TRAPPC8: variants seen among roughly 807,000 people sequenced by gnomAD.
TRAPPC8 encodes the protein trafficking protein particle complex subunit 8, also known as general sporulation gene 1 homolog.
A neutral mutation model predicts 174.3 loss-of-function variants in TRAPPC8; 54 were observed. That is an observed-to-expected ratio of 0.31 (90% CI 0.25 to 0.39). The LOEUF is 0.39. Among genes scored for constraint, TRAPPC8 ranks in the 10% least tolerant of loss-of-function variants. The pLI is 1.00. For synonymous variants in TRAPPC8, 630 were observed against 579.9 expected, an observed-to-expected ratio of 1.09 and a Z score of -1.24; for missense variants, 1,531 against 1,699.1, an observed-to-expected ratio of 0.90 and a Z score of 1.74.
intron 21 of TRAPPC8, among the ~76,000 whole-genome samples, chr18:31,854,788 G>A (rs951476919): frequency 6.6e-6 from 1 of 151,806 alleles, no homozygotes; most frequent in Non-Finnish European, 1.5e-5. Context: ...CTAACATGGT[G>A]AAACCCTGTC....
intron 1 of TRAPPC8, among the ~76,000 whole-genome samples, chr18:31,937,039 C>T (rs896151996): frequency 9.2e-5 from 14 of 151,670 alleles, no homozygotes; most frequent in African/African-American, 2.4e-5. Context: ...GGTGAAATCC[C>T]GTCTCTACTA....
chr18:31,865,807 T>C (rs1433401245), intron 18 of TRAPPC8, among the ~76,000 whole-genome samples: 1 of 151,026 alleles, frequency 6.6e-6, no homozygotes, highest in African/African-American at 2.4e-5. Flanking sequence ...AAATTATAAA[T>C]AATTTAAATT....
intron 3 of TRAPPC8, 145 bp from the exon 4 acceptor site, chr18:31,916,591 G>C: frequency 1.3e-6 from 1 of 764,400 alleles, no homozygotes; most frequent in Non-Finnish European, 1.9e-6. Flanking sequence ...GGAGAGCAGT[G>C]GCGTGATCTC....
In TRAPPC8 at chr18:31,915,491, G is replaced by A. The variant is rs2037098687; in HGVS notation, c.617+781C>T. Among the ~76,000 whole-genome samples, 2 of 149,364 alleles carry A rather than the reference G, an allele frequency of 1.3e-5. 1 individual carries two copies. Among genetic ancestry groups the A allele is most frequent in the Non-Finnish European group, 3.0e-5 (2 of 67,552 alleles). On this transcript the variant is annotated intron_variant, in intron 4 of 28. Transcript: ENST00000283351. Reference sequence around the variant, plus strand: ...AAAAGGGGGGGGGGGCGCAGGCGCAGTGGCTCCCGCCTGTCATCCCAGCAC... The same window carrying A: ...AAAAGGGGGGGGGGGCGCAGGCGCAATGGCTCCCGCCTGTCATCCCAGCAC...
chr18:31,903,035 G>A (rs1478897651), intron 9 of TRAPPC8, among the ~76,000 whole-genome samples: 8 of 145,500 alleles, frequency 5.5e-5, no homozygotes, highest in Non-Finnish European at 1.2e-4. Flanking sequence ...GGGTGACAGC[G>A]AGACTCATCT....
intron 2 of TRAPPC8, among the ~76,000 whole-genome samples, chr18:31,921,797 G>A (rs1440647990): frequency 6.6e-6 from 1 of 151,984 alleles, no homozygotes; most frequent in Non-Finnish European, 1.5e-5. Context: ...TTGTATCTGG[G>A]TTCTACTCTT....
Position 31,846,580 on chromosome 18 carries a change from C to T in TRAPPC8, c.3837+136G>A, listed in dbSNP as rs545249370. On this transcript the variant is annotated intron_variant, in intron 26 of 28. Coordinates refer to ENST00000283351, the MANE Select transcript of TRAPPC8 (RefSeq NM_014939.5). The stretch of plus-strand genomic sequence containing the variant: ...GGCAGAGTGAGATCCAGTCTCAAAA[C>T]AACAACAAAAAAAACCAAAAAACAA... The T allele has an allele frequency of 3.4e-5, 24 of 698,102 alleles. No individual in the cohort carries two copies. In the South Asian group the frequency reaches 4.7e-4, roughly 14 times the overall value. 43.2% of individuals were successfully genotyped at this position (698,102 alleles called of 1,614,324 possible).
chr18:31,908,864 C>A lies in TRAPPC8; in HGVS notation c.1012G>T (p.Ala338Ser), dbSNP rs958967748. Residue 338 changes from alanine to serine, a missense_variant, in exon 7 of 29, where the codon GCA becomes TCA. Physicochemically the swap from Ala to Ser is moderately conservative, Grantham distance 99. Transcript: ENST00000283351. Reference sequence around the variant, plus strand: ...TCATGATCAGTAAGTGTTAAACATGCACCATGAATTATTCCAGTATTTCCT... The same window carrying A: ...TCATGATCAGTAAGTGTTAAACATGAACCATGAATTATTCCAGTATTTCCT... ...KKGNTGIIHG[A>S]CLTLTDHDRI... 1.2e-6 allele frequency: 2 copies of A among 1,613,794 alleles called. No homozygotes were observed. Among genetic ancestry groups the A allele is most frequent in the Middle Eastern group, 1.7e-4 (1 of 6,058 alleles).
chr18:31,879,750 T>G (rs78288019), intron 12 of TRAPPC8, among the ~76,000 whole-genome samples: 1 of 151,852 alleles, frequency 6.6e-6, no homozygotes, highest in South Asian at 2.1e-4. Flanking sequence ...GAAGAGATGA[T>G]TTTAATAAGC....
chr18:31,916,193 C>G (rs919776918), intron 4 of TRAPPC8, 79 bp downstream of exon 4: 11 of 1,086,824 alleles, frequency 1.0e-5, no homozygotes, highest in Non-Finnish European at 1.3e-5. Flanking sequence ...AAAATAAATC[C>G]AAAACGTAAA....
At chr18:31,874,188 A>G in intron 13 of TRAPPC8, 1 of 450,778 alleles carries the variant, frequency 2.2e-6, no homozygotes, top group South Asian at 3.8e-5. Flanking sequence ...AGTCTATAAA[A>G]GCATGATGAA....
chr18:31,875,521 C>G (rs1166698345), intron 12 of TRAPPC8, among the ~76,000 whole-genome samples: 1 of 152,094 alleles, frequency 6.6e-6, no homozygotes, highest in Non-Finnish European at 1.5e-5. Context: ...GACAGCAGCA[C>G]AGTAAACACT....
At chr18:31,939,280 A>C (rs1391116169) in intron 1 of TRAPPC8, 1 of 152,138 alleles carries the variant, frequency 6.6e-6, no homozygotes, top group Non-Finnish European at 1.5e-5. Flanking sequence ...TAAAACTTGT[A>C]TCTACTTATA....
At chr18:31,920,495 T>C (rs538205920) in intron 2 of TRAPPC8, among the ~76,000 whole-genome samples, 4 of 152,252 alleles carry the variant, frequency 2.6e-5, no homozygotes, top group East Asian at 1.9e-4. Context: ...CTGCTTCATG[T>C]TCATTCTTAT....
intron 15 of TRAPPC8, 103 bp from the exon 16 acceptor site, chr18:31,870,605 G>T: frequency 7.9e-7 from 1 of 1,263,528 alleles, no homozygotes; most frequent in South Asian, 1.5e-5. Flanking sequence ...CTGCATTTCT[G>T]CCTAGACTGT....
intron 26 of TRAPPC8, 26 bp from the exon 27 acceptor site, chr18:31,839,483 G>A: frequency 5.2e-6 from 8 of 1,539,872 alleles, no homozygotes; most frequent in Middle Eastern, 3.5e-4. Context: ...AAAAACATAT[G>A]ACAATAAAAA....
chr18:31,840,965 T>C (rs1015775078), intron 26 of TRAPPC8, among the ~76,000 whole-genome samples: 2 of 151,486 alleles, frequency 1.3e-5, no homozygotes, highest in Non-Finnish European at 2.9e-5. Context: ...GATTATAGCC[T>C]AATCAGTGGT....
chr18:31,881,033 A>G (rs1211129475), intron 12 of TRAPPC8, among the ~76,000 whole-genome samples: 1 of 152,124 alleles, frequency 6.6e-6, no homozygotes, highest in African/African-American at 2.4e-5. Flanking sequence ...CTCACAGATA[A>G]GGAAAAATCA....
intron 19 of TRAPPC8, among the ~76,000 whole-genome samples, chr18:31,860,228 C>G (rs1410500035): frequency 6.6e-6 from 1 of 152,038 alleles, no homozygotes; most frequent in Non-Finnish European, 1.5e-5. Flanking sequence ...TTGCCTGTAA[C>G]AGAAAATGAC....
Sources: gnomAD v4.1 joint callset for allele counts (sites outside exome capture counted in the v4.1 genomes callset) on GRCh38, gnomAD v4.1.1 for gene constraint, MANE v1.5 for transcripts, NCBI Gene and HGNC (gene_info 2026-07-23, HGNC 2026-07-21) for gene names.